CDH23: variants seen among roughly 807,000 people sequenced by gnomAD.
The protein encoded by CDH23 is cadherin-23.
A neutral mutation model predicts 317.1 loss-of-function variants in CDH23; 189 were observed. The ratio of observed to expected loss-of-function variants is 0.60; its 90% CI spans 0.53 to 0.67. The LOEUF is 0.67. Ranked by LOEUF, CDH23 falls within the 30% of genes least tolerant of loss-of-function variation. CDH23 has a pLI of 0.00. For synonymous variants in CDH23, 1,839 were observed against 1,876.8 expected (o/e 0.98, Z 0.52); for missense variants, 4,401 against 4,592.4 (o/e 0.96, Z 1.20).
intron 6 of CDH23, among the ~76,000 whole-genome samples, chr10:71,515,541 T>C (rs1338744323): frequency 1.3e-5 from 2 of 151,700 alleles, no homozygotes; most frequent in Non-Finnish European, 2.9e-5. Flanking sequence ...TTTTTTTTAA[T>C]GAACACAGCA....
chr10:71,685,814 A>G (rs1023283135), intron 18 of CDH23, among the ~76,000 whole-genome samples: 1 of 152,224 alleles, frequency 6.6e-6, no homozygotes, highest in African/African-American at 2.4e-5. Context: ...CCACACTTGA[A>G]AAGGTCACCA....
intron 3 of CDH23, among the ~76,000 whole-genome samples, chr10:71,451,562 A>G (rs999114675): frequency 1.3e-5 from 2 of 152,200 alleles, no homozygotes; most frequent in Non-Finnish European, 2.9e-5. Flanking sequence ...GCTACCTGGA[A>G]CATTATGAAC....
chr10:71,754,460 G>A (rs369177093), intron 38 of CDH23, among the ~76,000 whole-genome samples: 3 of 151,914 alleles, frequency 2.0e-5, no homozygotes, highest in Admixed American at 6.6e-5. Context: ...CCAGGCAGAC[G>A]GGAAGAGGCC....
chr10:71,456,106 G>C (rs2132047701), intron 3 of CDH23, among the ~76,000 whole-genome samples: 1 of 151,802 alleles, frequency 6.6e-6, no homozygotes, highest in East Asian at 1.9e-4. Flanking sequence ...GCAGCTGCTG[G>C]GATCTGGAGC....
intron 10 of CDH23, among the ~76,000 whole-genome samples, chr10:71,616,357 G>A (rs916439164): frequency 2.6e-5 from 4 of 152,184 alleles, no homozygotes; most frequent in Non-Finnish European, 5.9e-5. Context: ...GCCCTTAATT[G>A]CTGTCCTTGA....
At chr10:71,761,843 A>G (rs749430160) in intron 38 of CDH23, 2 of 1,614,070 alleles carry the variant, frequency 1.2e-6, no homozygotes, top group South Asian at 2.2e-5. Context: ...GAGGTTGCGG[A>G]TGGGCCGGCG....
chr10:71,741,837 A>G lies in CDH23; in HGVS notation c.4761A>G (p.Thr1587=), dbSNP rs776345764. Residue 1587 remains threonine, a synonymous_variant, in exon 38 of 70, where the codon ACA becomes ACG. Transcript: ENST00000224721. The part of the protein sequence containing the change: ...RMDRISGEIA[T]RPAPPDRERQ... Reference sequence around the variant, plus strand: ...ACCGCATCAGCGGTGAGATCGCCACACGGCCTGCCCCGCCTGACCGCGAGC... The same window carrying G: ...ACCGCATCAGCGGTGAGATCGCCACGCGGCCTGCCCCGCCTGACCGCGAGC... 6.2e-7 allele frequency: 1 copy of G among 1,611,160 alleles called. No individual in the cohort carries two copies. The highest frequency in any genetic ancestry group is 8.5e-7 in the Non-Finnish European group (1 of 1,178,804).
At chr10:71,754,926 T>C in intron 38 of CDH23, 1 of 367,366 alleles carries the variant, frequency 2.7e-6, no homozygotes, top group Non-Finnish European at 5.6e-6. Context: ...TGAGCTAAGT[T>C]GTCTGTAAGA....
chr10:71,812,101 G>C, intron 66 of CDH23, 86 bp downstream of exon 66: 1 of 1,608,934 alleles, frequency 6.2e-7, no homozygotes, highest in Non-Finnish European at 8.5e-7. Context: ...CCCAGCGCTG[G>C]GGCTGCCGAA....
At chr10:71,543,959 A>C (rs866823284) in intron 6 of CDH23, among the ~76,000 whole-genome samples, 1 of 152,232 alleles carries the variant, frequency 6.6e-6, no homozygotes, top group Non-Finnish European at 1.5e-5. Context: ...AGAAAAAAAA[A>C]AGATGGAAAA....
intron 7 of CDH23, among the ~76,000 whole-genome samples, chr10:71,570,231 C>T (rs1320115930): frequency 6.6e-6 from 1 of 152,088 alleles, no homozygotes; most frequent in Non-Finnish European, 1.5e-5. Flanking sequence ...AATCCCCAGC[C>T]CAAAGCAAGG....
At chr10:71,743,809 G>T (rs1319752743) in intron 38 of CDH23, among the ~76,000 whole-genome samples, 1 of 152,196 alleles carries the variant, frequency 6.6e-6, no homozygotes, top group Non-Finnish European at 1.5e-5. Context: ...GAATCAAAAT[G>T]CATTTTCCTA....
chr10:71,794,355 C>T (rs1362538437), intron 48 of CDH23, among the ~76,000 whole-genome samples: 3 of 152,214 alleles, frequency 2.0e-5, no homozygotes, highest in African/African-American at 7.2e-5. Context: ...TGAACACTTT[C>T]TTCATATGTA....
chr10:71,543,722 TA>T (rs1391981161), intron 6 of CDH23, among the ~76,000 whole-genome samples: 1 of 152,236 alleles, frequency 6.6e-6, no homozygotes, highest in Non-Finnish European at 1.5e-5. Context: ...CTTCAGGCTC[TA>T]TAGAGTTCAG....
intron 1 of CDH23, among the ~76,000 whole-genome samples, chr10:71,419,927 G>A (rs780686903): frequency 1.3e-5 from 2 of 152,206 alleles, no homozygotes; most frequent in African/African-American, 2.4e-5. Context: ...CTGGGACCCA[G>A]ATGGTGAGGC....
chr10:71,669,414 T>A (rs892462826), intron 14 of CDH23, among the ~76,000 whole-genome samples: 10 of 152,156 alleles, frequency 6.6e-5, no homozygotes, highest in African/African-American at 2.4e-4. Context: ...ATTACTTAGT[T>A]ATTTCTCCCC....
chr10:71,738,544 A>C lies in CDH23; in HGVS notation c.4256A>C (p.Asp1419Ala), dbSNP rs371698747. 1 of 1,613,908 alleles carries C rather than the reference A, an allele frequency of 6.2e-7. No homozygotes were observed. The highest frequency in any genetic ancestry group is 8.5e-7 in the Non-Finnish European group (1 of 1,179,878). Residue 1419 changes from aspartate (D) to alanine (A), a missense_variant, in exon 35 of 70, where the codon GAC (aspartate) becomes GCC (alanine). Physicochemically the swap from Asp to Ala is moderately radical, Grantham distance 126 (BLOSUM62 -2). Coordinates refer to ENST00000224721, the MANE Select transcript of CDH23 (RefSeq NM_022124.6). ...LDENDNSPRFDFTSDSAVSIP... is the reference protein window; with the variant it reads ...LDENDNSPRFAFTSDSAVSIP... ...GAGAATGACAACAGCCCCCGGTTTG[A>C]CTTCACCTCCGACTCGGCGGTCAGC... is the stretch of plus-strand genomic sequence containing the variant.
intron 43 of CDH23, 69 bp from the exon 44 acceptor site, chr10:71,785,562 G>T: frequency 2.0e-6 from 2 of 1,018,444 alleles, no homozygotes; most frequent in South Asian, 1.4e-5. Context: ...CAGAGCAGTT[G>T]GCATCTGTGG....
intron 6 of CDH23, among the ~76,000 whole-genome samples, chr10:71,517,967 C>T (rs1006031245): frequency 6.6e-6 from 1 of 152,150 alleles, no homozygotes; most frequent in African/African-American, 2.4e-5. Flanking sequence ...CCATCGCCTG[C>T]GGCAGCCAGG....
Sources: allele counts gnomAD v4.1 joint callset (sites outside exome capture counted in the v4.1 genomes callset), GRCh38; gene constraint gnomAD v4.1.1; transcripts MANE v1.5; gene names NCBI Gene and HGNC (gene_info 2026-07-23, HGNC 2026-07-21).